The following PPM1B variants were observed in gnomAD, a reference collection of about 807,000 sequenced individuals.
The protein encoded by PPM1B is protein phosphatase 1B.
Under a neutral mutation model 43.0 loss-of-function variants are expected in PPM1B, and 22 were observed. The ratio of observed to expected loss-of-function variants is 0.51; its 90% confidence interval spans 0.37 to 0.73. The LOEUF (loss-of-function observed/expected upper bound fraction) is 0.73. PPM1B is among the 30% of genes least tolerant of loss of function. The pLI is 0.00. For missense variants in PPM1B, 632 were observed against 584.2 expected, an observed-to-expected ratio of 1.08 and a Z score of -0.84; for synonymous variants, 217 against 197.9, an observed-to-expected ratio of 1.10 and a Z score of -0.81.
intron 1 of PPM1B, among the ~76,000 whole-genome samples, chr2:44,181,568 G>T (rs1283599569): frequency 6.6e-6 from 1 of 152,138 alleles, no homozygotes; most frequent in Non-Finnish European, 1.5e-5. Context: ...GGATGGTAGG[G>T]TGAGAGAGAC....
At chr2:44,199,300 T>A in intron 1 of PPM1B, among the ~76,000 whole-genome samples, 1 of 103,096 alleles carries the variant, frequency 9.7e-6, no homozygotes, top group Non-Finnish European at 1.9e-5. Flanking sequence ...TGCCTGTAGA[T>A]CTCAAAAAAA....
chr2:44,196,003 CCTT>C (rs1668644233), intron 1 of PPM1B, among the ~76,000 whole-genome samples: 1 of 152,192 alleles, frequency 6.6e-6, no homozygotes, highest in Non-Finnish European at 1.5e-5. Context: ...TTTCAGGTGA[CCTT>C]CTCCCCAGCC....
intron 2 of PPM1B, 100 bp from the exon 3 acceptor site, chr2:44,209,110 T>G: frequency 1.8e-6 from 2 of 1,083,056 alleles, no homozygotes; most frequent in Non-Finnish European, 2.5e-6. Context: ...ATAAACGTTC[T>G]GGATGATTAA....
chr2:44,190,085 A>G (rs1283288405), intron 1 of PPM1B, among the ~76,000 whole-genome samples: 1 of 151,970 alleles, frequency 6.6e-6, no homozygotes, highest in Non-Finnish European at 1.5e-5. Context: ...TTGTGGACAG[A>G]TCATTATTTG....
rs1667607856 is a variant in PPM1B at position 44,176,890 on chromosome 2, C to T, written c.-15+7616C>T. ...GCCACCTCCCAGTTCAAGCGATTCT[C>T]CTGCCTCAGCCTCCCAAGTAGCTGG... On this transcript the variant is annotated intron_variant, in intron 1 of 5. Transcript: ENST00000282412. Among the ~76,000 whole-genome samples the T allele has an allele frequency of 2.6e-5, 4 of 152,174 alleles. No individual in the cohort carries two copies. In the South Asian group the frequency reaches 8.3e-4, roughly 32 times the overall value.
chr2:44,232,949 T>C, downstream of PPM1B: 1 of 977,432 alleles, frequency 1.0e-6, no homozygotes, highest in African/African-American at 1.7e-5. Context: ...CAAGATAAAG[T>C]GTATTTGGGA....
intron 1 of PPM1B, among the ~76,000 whole-genome samples, chr2:44,193,080 T>C (rs1668482240): frequency 6.6e-6 from 1 of 152,232 alleles, no homozygotes; most frequent in Non-Finnish European, 1.5e-5. Flanking sequence ...CTTAGGGTTA[T>C]ATACCCAGAA....
rs199633319 is a variant in PPM1B at position 44,230,737 on chromosome 2, T to A, written c.*19T>A. 6.3e-7 allele frequency: 1 copy of A among 1,598,188 alleles called. No homozygotes were observed. The highest frequency in any genetic ancestry group is 8.5e-7 in the Non-Finnish European group (1 of 1,169,686). On this transcript the variant is annotated 3_prime_UTR_variant, in exon 6 of 6. Coordinates refer to ENST00000282412, the MANE Select transcript of PPM1B (RefSeq NM_002706.6). Reference sequence around the variant, plus strand: ...AATATGACTTTCCTTTTTGGTAATATTTTTGTGATCTTTGATGGTTTTTAA... The same window carrying A: ...AATATGACTTTCCTTTTTGGTAATAATTTTGTGATCTTTGATGGTTTTTAA...
chr2:44,214,397 A>G (rs1255199203), intron 3 of PPM1B, among the ~76,000 whole-genome samples: 1 of 151,222 alleles, frequency 6.6e-6, no homozygotes. Flanking sequence ...TCTTAAATAA[A>G]TTGTTACAAA....
rs533944433 is a variant in PPM1B, at chr2:44,170,211, A to G, written c.-15+937A>G. ...TTCTTAGGCGTTTGATAGCAGCCCA[A>G]ATTCATCAATATTCAATTTCTTCTA... On this transcript the variant is annotated intron_variant, in intron 1 of 5. Transcript: ENST00000282412. Among the ~76,000 whole-genome samples, 7 of 152,320 alleles carry G rather than the reference A, an allele frequency of 4.6e-5. No individual in the cohort carries two copies. In the South Asian group the frequency reaches 1.2e-3, roughly 27 times the overall value.
intron 3 of PPM1B, among the ~76,000 whole-genome samples, chr2:44,214,992 A>G (rs532260447): frequency 2.6e-4 from 39 of 152,346 alleles, no homozygotes; most frequent in Admixed American, 1.5e-3. Flanking sequence ...GGTGTGGTCA[A>G]TTCAGTTTAA....
intron 1 of PPM1B, among the ~76,000 whole-genome samples, chr2:44,178,554 A>T (rs935073762): frequency 2.0e-5 from 3 of 150,862 alleles, no homozygotes; most frequent in Non-Finnish European, 4.4e-5. Flanking sequence ...TGCAACCTCC[A>T]CTTCCTGGGT....
At chr2:44,170,030 T>C (rs1207540543) in intron 1 of PPM1B, among the ~76,000 whole-genome samples, 1 of 152,216 alleles carries the variant, frequency 6.6e-6, no homozygotes, top group Non-Finnish European at 1.5e-5. Context: ...TTATTAAACG[T>C]AAAGTGTGAA....
chr2:44,228,844 T>C (rs1489712377), intron 5 of PPM1B, among the ~76,000 whole-genome samples: 1 of 152,116 alleles, frequency 6.6e-6, no homozygotes, highest in East Asian at 1.9e-4. Context: ...ATTGCAGACA[T>C]CATATTTTAC....
intron 1 of PPM1B, among the ~76,000 whole-genome samples, chr2:44,179,303 C>G (rs902590327): frequency 2.0e-5 from 3 of 152,182 alleles, no homozygotes; most frequent in African/African-American, 2.4e-5. Flanking sequence ...ATGTCTTTAT[C>G]TGCAGTGTGA....
At chr2:44,234,222 TA>T (rs201056847), downstream of PPM1B, 2 of 982,982 alleles carry the variant, frequency 2.0e-6, no homozygotes, top group African/African-American at 1.7e-5. Flanking sequence ...ATACTCCTTT[TA>T]AAAAAACCTG....
At chr2:44,182,078 T>C (rs762071899) in intron 1 of PPM1B, among the ~76,000 whole-genome samples, 1 of 152,136 alleles carries the variant, frequency 6.6e-6, no homozygotes, top group South Asian at 2.1e-4. Context: ...GAGAAGCTTC[T>C]TCTTACGACT....
intron 1 of PPM1B, among the ~76,000 whole-genome samples, chr2:44,190,769 G>A (rs958494351): frequency 2.0e-5 from 3 of 152,090 alleles, no homozygotes; most frequent in East Asian, 1.9e-4. Flanking sequence ...ATTGAACAGC[G>A]CAAGTACCCA....
intron 3 of PPM1B, among the ~76,000 whole-genome samples, chr2:44,212,147 C>G (rs1669500477): frequency 6.6e-6 from 1 of 152,294 alleles, no homozygotes; most frequent in Admixed American, 6.5e-5. Context: ...GATTCCTGTT[C>G]TATTCATTGT....
Sources: gnomAD v4.1 joint callset for allele counts (sites outside exome capture counted in the v4.1 genomes callset) on GRCh38, gnomAD v4.1.1 for gene constraint, MANE v1.5 for transcripts, NCBI Gene and HGNC (gene_info 2026-07-23, HGNC 2026-07-21) for gene names.